XPO7: variants seen among roughly 807,000 people sequenced by gnomAD.
XPO7 encodes the protein exportin-7.
A neutral mutation model predicts 144.3 loss-of-function variants in XPO7; 21 were observed. That is an observed-to-expected ratio of 0.15 (90% CI 0.10 to 0.21). The LOEUF is 0.21. Among genes scored for constraint, XPO7 ranks in the 10% least tolerant of loss-of-function variants. The pLI, the probability that XPO7 is intolerant of heterozygous loss-of-function variation, is 1.00. For synonymous variants in XPO7, 580 were observed against 499.6 expected (o/e 1.16, Z -2.15); for missense variants, 808 against 1,325.8 (o/e 0.61, Z 6.06).
At chr8:21,934,598 A>C in intron 1 of XPO7, among the ~76,000 whole-genome samples, 1 of 152,200 alleles carries the variant, frequency 6.6e-6, no homozygotes, top group East Asian at 1.9e-4. Context: ...GACAGTATTC[A>C]CTGAAAGAAG....
chr8:22,001,895 G>A (rs898643055), intron 24 of XPO7, among the ~76,000 whole-genome samples: 8 of 152,306 alleles, frequency 5.3e-5, no homozygotes, highest in South Asian at 4.1e-4. Flanking sequence ...ACATTGAGCC[G>A]ATAATTTCAG....
intron 8 of XPO7, 89 bp from the exon 9 acceptor site, chr8:21,979,995 G>C: frequency 7.5e-7 from 1 of 1,333,978 alleles, no homozygotes; most frequent in Non-Finnish European, 9.9e-7. Context: ...ATATCCTAAA[G>C]AAGGATATTG....
chr8:21,919,767 CA>C lies in XPO7; in HGVS notation c.1del, dbSNP rs1457620914. 2 of 623,374 alleles carry C rather than the reference CA, an allele frequency of 3.2e-6. No homozygotes were observed. Among genetic ancestry groups the C allele is most frequent in the Non-Finnish European group, 4.4e-6 (2 of 451,084 alleles). The allele number at this position is 623,374 out of a possible 1,614,324, so 38.6% of individuals were successfully genotyped here. A position where few individuals can be genotyped will look rare whatever the true frequency, so the allele number is the denominator to read the frequency against. On this transcript the variant is annotated 5_prime_UTR_variant, in exon 1 of 28. Transcript: ENST00000252512. ...GGGCCGGAGAGGAGCATGAATGGAG[CA>C]AAATGGCGGATCATGTGCAGGTGAG...
chr8:21,995,457 G>T, intron 20 of XPO7, 35 bp from the exon 21 acceptor site: 2 of 1,544,730 alleles, frequency 1.3e-6, no homozygotes, highest in South Asian at 2.4e-5. Context: ...TACCTTTCTG[G>T]AATCAGAAAT....
intron 1 of XPO7, among the ~76,000 whole-genome samples, chr8:21,937,258 G>A (rs532296323): frequency 6.0e-4 from 91 of 152,274 alleles, no homozygotes; most frequent in African/African-American, 2.1e-3. Context: ...ATTTGGATGT[G>A]TTAAATGTAT....
At chr8:21,968,211 A>G (rs1032430135) in intron 2 of XPO7, among the ~76,000 whole-genome samples, 5 of 152,242 alleles carry the variant, frequency 3.3e-5, no homozygotes, top group African/African-American at 1.2e-4. Flanking sequence ...TGCTTAATCA[A>G]AATTTGCTTT....
intron 1 of XPO7, among the ~76,000 whole-genome samples, chr8:21,939,699 A>G (rs1000704083): frequency 2.0e-5 from 3 of 152,134 alleles, no homozygotes; most frequent in Non-Finnish European, 4.4e-5. Flanking sequence ...AAAATGGACA[A>G]CTCTTTTTTA....
Position 22,001,308 on chromosome 8 carries a change from C to CA in XPO7, c.2783-790dup, listed in dbSNP as rs762708728. On this transcript the variant is annotated intron_variant, in intron 24 of 27. Coordinates refer to ENST00000252512, the MANE Select transcript of XPO7 (RefSeq NM_015024.5). ...CGGGCGACAGAACGAGACTCCGTATCAAAAAAAAAAAAAAGAAAGAAAAAG... is the reference window on the plus strand; with the variant it reads ...CGGGCGACAGAACGAGACTCCGTATCAAAAAAAAAAAAAAAGAAAGAAAAAG... Among the ~76,000 whole-genome samples the CA allele has an allele frequency of 3.9e-3, 456 of 116,848 alleles. 3 individuals carry two copies. The highest frequency in any genetic ancestry group is 0.011 in the African/African-American group (338 of 30,876). 76.7% of individuals were successfully genotyped at this position (116,848 alleles called of 152,430 possible).
intron 4 of XPO7, among the ~76,000 whole-genome samples, chr8:21,970,893 C>T (rs897054463): frequency 4.6e-5 from 7 of 152,122 alleles, no homozygotes; most frequent in African/African-American, 1.7e-4. Flanking sequence ...CCTAAGTGTA[C>T]ATATTTATAA....
intron 1 of XPO7, chr8:21,966,357 A>G (rs1811884062): frequency 1.3e-6 from 1 of 777,828 alleles, no homozygotes; most frequent in Non-Finnish European, 2.4e-6. Flanking sequence ...GTTTTCTCGT[A>G]CAGGTGACCA....
At chr8:21,950,228 A>G (rs1811323740) in intron 1 of XPO7, among the ~76,000 whole-genome samples, 1 of 152,198 alleles carries the variant, frequency 6.6e-6, no homozygotes, top group Non-Finnish European at 1.5e-5. Flanking sequence ...CTTTAAACCT[A>G]ATCACCAAAG....
chr8:21,966,227 AT>A (rs2117322613), intron 1 of XPO7: 2 of 767,576 alleles, frequency 2.6e-6, no homozygotes, highest in South Asian at 2.8e-5. Flanking sequence ...TGACGCTTTC[AT>A]TTTAAATTTG....
chr8:21,946,443 T>A (rs1811189223), intron 1 of XPO7, among the ~76,000 whole-genome samples: 1 of 151,440 alleles, frequency 6.6e-6, no homozygotes, highest in African/African-American at 2.4e-5. Context: ...AACTAGAAGA[T>A]CTGAAGATAC....
At chr8:21,995,840 G>T (rs950496516) in intron 21 of XPO7, among the ~76,000 whole-genome samples, 2 of 151,736 alleles carry the variant, frequency 1.3e-5, no homozygotes, top group African/African-American at 4.8e-5. Flanking sequence ...TTTTTGAGGC[G>T]GTGTCTTGCT....
At chr8:21,924,439 A>G (rs1810393953) in intron 1 of XPO7, among the ~76,000 whole-genome samples, 1 of 151,258 alleles carries the variant, frequency 6.6e-6, no homozygotes, top group Admixed American at 6.6e-5. Context: ...AGCTACCTGT[A>G]GCCCCCCTCC....
At position 21,994,402 on chromosome 8, in the gene XPO7, G is replaced by C; in HGVS notation, c.2188G>C (p.Ala730Pro). 6.2e-7 allele frequency: 1 copy of C among 1,612,070 alleles called. No homozygotes were observed. Among genetic ancestry groups the C allele is most frequent in the Non-Finnish European group, 8.5e-7 (1 of 1,178,560 alleles). The change falls in exon 20 of 28, where the codon GCT (alanine) becomes CCT (proline). Residue 730 changes from alanine to proline, a missense_variant. Around this residue, in one of 5 missense-constraint regions of XPO7, gnomAD observed 416 missense variants for 612.5 expected, o/e 0.68. Coordinates refer to ENST00000252512, the MANE Select transcript of XPO7 (RefSeq NM_015024.5). ...VGLVRDLRGIAFAFNAKTSFM... is the reference protein window; with the variant it reads ...VGLVRDLRGIPFAFNAKTSFM... ...CCTAGTAAGAGACCTGAGAGGGATC[G>C]CTTTCGCTTTCAATGCCAAGACCAG...
chr8:22,002,971 G>A (rs1034178078), intron 25 of XPO7: 7 of 317,116 alleles, frequency 2.2e-5, no homozygotes, highest in Non-Finnish European at 5.9e-6. Context: ...AACTCAGGGT[G>A]ACCTGGAAAG....
At chr8:21,973,237 A>G (rs1248049661) in intron 5 of XPO7, among the ~76,000 whole-genome samples, 1 of 152,224 alleles carries the variant, frequency 6.6e-6, no homozygotes, top group Non-Finnish European at 1.5e-5. Context: ...CTAAGGATAG[A>G]GATTGTGGAC....
At chr8:21,957,941 C>G (rs1490533187) in intron 1 of XPO7, among the ~76,000 whole-genome samples, 2 of 151,894 alleles carry the variant, frequency 1.3e-5, no homozygotes, top group Non-Finnish European at 2.9e-5. Flanking sequence ...AATTCCACTG[C>G]TTAAAATGGC....
Sources: gnomAD v4.1 joint callset for allele counts (sites outside exome capture counted in the v4.1 genomes callset) on GRCh38, gnomAD v4.1.1 for gene constraint, gnomAD v4.1.1 regional missense constraint, MANE v1.5 for transcripts, NCBI Gene and HGNC (gene_info 2026-07-23, HGNC 2026-07-21) for gene names.